The following MSI2 variants were observed in gnomAD, a reference collection of about 807,000 sequenced individuals.
MSI2 encodes RNA-binding protein Musashi homolog 2.
A neutral mutation model predicts 45.6 loss-of-function variants in MSI2; 17 were observed. The observed-to-expected ratio is 0.37, with a 90% CI of 0.26 to 0.56. The LOEUF is 0.56. Ranked by LOEUF, MSI2 falls within the 20% of genes least tolerant of loss-of-function variation. The probability of loss-of-function intolerance (pLI) is 0.77; values close to 1 mark genes in which losing one functional copy is unlikely to be tolerated. For missense variants in MSI2, 293 were observed against 444.2 expected (o/e 0.66, Z 3.06); for synonymous variants, 156 against 158.2 (o/e 0.99, Z 0.11).
chr17:57,376,701 C>T (rs2083502720), intron 5 of MSI2, among the ~76,000 whole-genome samples: 1 of 152,178 alleles, frequency 6.6e-6, no homozygotes, highest in African/African-American at 2.4e-5. Context: ...CTGATTGGCT[C>T]AAACTTAGCC....
At chr17:57,461,929 A>G (rs1373949827) in intron 6 of MSI2, among the ~76,000 whole-genome samples, 1 of 151,840 alleles carries the variant, frequency 6.6e-6, no homozygotes, top group African/African-American at 2.4e-5. Context: ...CTCTTTCTGT[A>G]TTAGTTTCCT....
intron 6 of MSI2, among the ~76,000 whole-genome samples, chr17:57,450,569 C>G (rs1020188208): frequency 3.5e-5 from 5 of 144,224 alleles, no homozygotes; most frequent in Non-Finnish European, 1.5e-5. Context: ...ACTCGGGAGG[C>G]TGAGGCAGGA....
intron 5 of MSI2, among the ~76,000 whole-genome samples, chr17:57,394,133 A>C (rs2083846126): frequency 6.6e-6 from 1 of 152,230 alleles, no homozygotes; most frequent in South Asian, 2.1e-4. Flanking sequence ...TTGCTGCAAA[A>C]TTAGAAAAGG....
At chr17:57,465,577 TA>T (rs1258919186) in intron 6 of MSI2, among the ~76,000 whole-genome samples, 1 of 152,204 alleles carries the variant, frequency 6.6e-6, no homozygotes, top group African/African-American at 2.4e-5. Context: ...GAGCCCGTTG[TA>T]TGCCAGGCAT....
intron 6 of MSI2, among the ~76,000 whole-genome samples, chr17:57,454,511 A>T (rs1371943184): frequency 7.2e-6 from 1 of 139,380 alleles, no homozygotes; most frequent in Non-Finnish European, 1.5e-5. Flanking sequence ...ATCTTGGCTC[A>T]CTGCAACCTC....
intron 6 of MSI2, among the ~76,000 whole-genome samples, chr17:57,472,232 A>G (rs1466786478): frequency 6.6e-6 from 1 of 152,238 alleles, no homozygotes; most frequent in Non-Finnish European, 1.5e-5. Context: ...AAGTCAACTC[A>G]CGAACACTCA....
chr17:57,633,769 G>A (rs148130180), intron 10 of MSI2, among the ~76,000 whole-genome samples: 19 of 152,310 alleles, frequency 1.2e-4, no homozygotes, highest in Non-Finnish European at 8.8e-5. Flanking sequence ...ACAATTAAGG[G>A]ATAACATGTG....
At chr17:57,585,036 T>A (rs771966917) in intron 7 of MSI2, among the ~76,000 whole-genome samples, 34 of 152,140 alleles carry the variant, frequency 2.2e-4, no homozygotes, top group Non-Finnish European at 4.3e-4. Flanking sequence ...CAGGCTGGTC[T>A]TGAACTCCTG....
chr17:57,299,215 A>G (rs1040824632), intron 5 of MSI2, among the ~76,000 whole-genome samples: 2 of 152,254 alleles, frequency 1.3e-5, no homozygotes, highest in African/African-American at 4.8e-5. Flanking sequence ...CCAGATAATT[A>G]AAACTTTCTC....
At chr17:57,654,861 T>A (rs1177448498) in intron 11 of MSI2, among the ~76,000 whole-genome samples, 1 of 151,260 alleles carries the variant, frequency 6.6e-6, no homozygotes, top group African/African-American at 2.4e-5. Flanking sequence ...TCAGACATCA[T>A]CCTATGGACG....
chr17:57,528,221 G>A (rs2086746281), intron 6 of MSI2, among the ~76,000 whole-genome samples: 1 of 152,174 alleles, frequency 6.6e-6, no homozygotes, highest in African/African-American at 2.4e-5. Context: ...GTAGCTGAAG[G>A]GTGAGGACAA....
At chr17:57,317,630 C>A (rs1912963274) in intron 5 of MSI2, among the ~76,000 whole-genome samples, 1 of 151,538 alleles carries the variant, frequency 6.6e-6, no homozygotes, top group African/African-American at 2.4e-5. Context: ...CCTGCCTCAG[C>A]CCCCCATGTA....
At chr17:57,269,003 A>T (rs1303498351) in intron 5 of MSI2, among the ~76,000 whole-genome samples, 1 of 152,148 alleles carries the variant, frequency 6.6e-6, no homozygotes, top group Non-Finnish European at 1.5e-5. Flanking sequence ...GGAGGGGGTG[A>T]CCTGTGATAC....
chr17:57,536,092 C>CA (rs34048164), intron 7 of MSI2, among the ~76,000 whole-genome samples: 13,899 of 149,724 alleles, frequency 0.093, 690 homozygotes, highest in East Asian at 0.21. Context: ...GTCTATTACT[C>CA]AAAAAAAAAA....
chr17:57,286,425 T>A (rs1321971979), intron 5 of MSI2, among the ~76,000 whole-genome samples: 1 of 152,212 alleles, frequency 6.6e-6, no homozygotes, highest in African/African-American at 2.4e-5. Context: ...CTGAGAGTCA[T>A]TGATTCACTA....
intron 7 of MSI2, among the ~76,000 whole-genome samples, chr17:57,579,650 G>A (rs574407037): frequency 9.8e-5 from 15 of 152,304 alleles, no homozygotes; most frequent in South Asian, 2.1e-4. Context: ...GGAGGCAGCC[G>A]TCTTCTGGAA....
At position 57,548,908 on chromosome 17, in the gene MSI2, A is replaced by ACC. The variant is rs1481321393; in HGVS notation, c.454+19190_454+19191dup. Among the ~76,000 whole-genome samples the ACC allele has an allele frequency of 6.8e-3, 357 of 52,612 alleles. 1 individual carries two copies. Among genetic ancestry groups the ACC allele is most frequent in the African/African-American group, 0.022 (339 of 15,698 alleles). 34.5% of individuals were successfully genotyped at this position (52,612 alleles called of 152,430 possible). A position where few individuals can be genotyped will look rare whatever the true frequency, so the allele number is the denominator to read the frequency against. ...CTGTTTGTTTACCCTTCCCCCCCCC[A>ACC]CCCCCCCGCCAAAAAAAATCATCTC... On this transcript the variant is annotated intron_variant, in intron 7 of 13. Transcript: ENST00000284073.
At chr17:57,517,409 G>C (rs2086491871) in intron 6 of MSI2, among the ~76,000 whole-genome samples, 2 of 152,212 alleles carry the variant, frequency 1.3e-5, no homozygotes, top group South Asian at 4.1e-4. Context: ...AATTGCTGGG[G>C]ATCAGAGGAG....
chr17:57,346,352 G>C (rs1012730878), intron 5 of MSI2, among the ~76,000 whole-genome samples: 3 of 147,412 alleles, frequency 2.0e-5, no homozygotes, highest in Admixed American at 6.7e-5. Context: ...ACATTTTGGG[G>C]GGGGGGGTCT....
Sources: allele counts gnomAD v4.1 joint callset (sites outside exome capture counted in the v4.1 genomes callset), GRCh38; gene constraint gnomAD v4.1.1; transcripts MANE v1.5; gene names NCBI Gene and HGNC (gene_info 2026-07-23, HGNC 2026-07-21).